Variants in EPB41L4A observed in about 807,000 individuals in gnomAD.
The protein encoded by EPB41L4A is band 4.1-like protein 4A.
EPB41L4A carries 100 observed loss-of-function variants against 108.6 expected under a neutral mutation model. The observed-to-expected ratio is 0.92, with a 90% CI of 0.78 to 1.09. The LOEUF is 1.09. EPB41L4A is among the 50% of genes least tolerant of loss of function. The probability of loss-of-function intolerance (pLI) is 0.00; values close to 1 mark genes in which losing one functional copy is unlikely to be tolerated. For missense variants in EPB41L4A, 1,030 were observed against 842.7 expected, an observed-to-expected ratio of 1.22 and a Z score of -2.75; for synonymous variants, 319 against 289.0, an observed-to-expected ratio of 1.10 and a Z score of -1.05.
At chr5:112,401,910 G>C (rs1580838961) in intron 1 of EPB41L4A, among the ~76,000 whole-genome samples, 1 of 152,212 alleles carries the variant, frequency 6.6e-6, no homozygotes, top group Non-Finnish European at 1.5e-5. Flanking sequence ...ATTCCACTTA[G>C]AGCAGCAAAA....
intron 13 of EPB41L4A, among the ~76,000 whole-genome samples, chr5:112,207,694 C>T (rs781376156): frequency 1.2e-4 from 18 of 151,880 alleles, no homozygotes; most frequent in South Asian, 2.1e-4. Flanking sequence ...ATTAATCATT[C>T]GAAAAAAGCA....
rs1761751414 is a variant in EPB41L4A, at chr5:112,401,581, A to T, written c.99+17360T>A. ...ATTCTCCACCCAAATGTCTTAATTT[A>T]AGAAGAAGTATAAAATCTACTGGTA... On this transcript the variant is annotated intron_variant, in intron 1 of 22. Transcript: ENST00000261486. 2.7e-5 allele frequency among the ~76,000 whole-genome samples: 4 copies of T among 149,910 alleles called. No homozygotes were observed. In the South Asian group the frequency reaches 8.7e-4, roughly 33 times the overall value.
At chr5:112,334,111 C>T (rs1756768865) in intron 1 of EPB41L4A, among the ~76,000 whole-genome samples, 1 of 151,994 alleles carries the variant, frequency 6.6e-6, no homozygotes, top group Admixed American at 6.6e-5. Flanking sequence ...AGGCACACAG[C>T]CAACCATTAT....
At chr5:112,262,282 T>C (rs999909745) in intron 7 of EPB41L4A, among the ~76,000 whole-genome samples, 1 of 152,170 alleles carries the variant, frequency 6.6e-6, no homozygotes, top group Admixed American at 6.5e-5. Context: ...ACTTAATTGT[T>C]TTCTACACAT....
At chr5:112,299,635 T>C (rs1754228269) in intron 2 of EPB41L4A, among the ~76,000 whole-genome samples, 1 of 152,164 alleles carries the variant, frequency 6.6e-6, no homozygotes, top group African/African-American at 2.4e-5. Flanking sequence ...TGAAACCCCA[T>C]CTCTATTAAG....
At chr5:112,154,901 A>C (rs1221583255) in intron 12 of EPB41L4A, among the ~76,000 whole-genome samples, 3 of 152,220 alleles carry the variant, frequency 2.0e-5, no homozygotes, top group African/African-American at 7.2e-5. Context: ...GAGATTTCAA[A>C]AGATAATCAG....
intron 12 of EPB41L4A, among the ~76,000 whole-genome samples, chr5:112,219,732 G>C (rs908596370): frequency 1.3e-5 from 2 of 152,138 alleles, no homozygotes; most frequent in Admixed American, 1.3e-4. Context: ...GTCTCATTCT[G>C]TTGCCTACGC....
chr5:112,297,217 T>A (rs1241249096), intron 2 of EPB41L4A, among the ~76,000 whole-genome samples: 1 of 152,228 alleles, frequency 6.6e-6, no homozygotes, highest in Admixed American at 6.5e-5. Flanking sequence ...ATCTCCACAC[T>A]GTTTTCCATA....
intron 1 of EPB41L4A, among the ~76,000 whole-genome samples, chr5:112,330,251 T>C (rs1756472368): frequency 6.6e-6 from 1 of 151,810 alleles, no homozygotes; most frequent in African/African-American, 2.4e-5. Context: ...TCCCTGGGAT[T>C]AGAGTTGTAT....
chr5:112,201,301 C>G (rs1762208133), intron 15 of EPB41L4A, among the ~76,000 whole-genome samples: 1 of 152,160 alleles, frequency 6.6e-6, no homozygotes, highest in Admixed American at 6.5e-5. Context: ...ATTTAAATAG[C>G]CTTCCCCTGG....
chr5:112,411,948 T>C (rs1762435829), intron 1 of EPB41L4A, among the ~76,000 whole-genome samples: 1 of 152,206 alleles, frequency 6.6e-6, no homozygotes, highest in South Asian at 2.1e-4. Context: ...CTCAGCAACC[T>C]GACCCTCACT....
At position 112,150,175 on chromosome 5, in the gene EPB41L4A, G is replaced by A. The variant is rs1393847061; in HGVS notation, n.995-4177C>T. ...GTAGTCTGAGTGCTCCCAAGTCAGTGATACTCCAAGTACTCAGCAAAAACA... is the reference window on the plus strand; with the variant it reads ...GTAGTCTGAGTGCTCCCAAGTCAGTAATACTCCAAGTACTCAGCAAAAACA... On this transcript the variant is annotated intron_variant and non_coding_transcript_variant, in intron 12 of 13. Transcript: ENST00000507810. 2.6e-5 allele frequency among the ~76,000 whole-genome samples: 4 copies of A among 152,188 alleles called. No homozygotes were observed. In the East Asian group the frequency reaches 7.7e-4, roughly 29 times the overall value.
intron 12 of EPB41L4A, among the ~76,000 whole-genome samples, chr5:112,222,398 C>T (rs1475764666): frequency 6.6e-6 from 1 of 152,178 alleles, no homozygotes; most frequent in South Asian, 2.1e-4. Flanking sequence ...TGTTTCCATG[C>T]CTCAGTTTCC....
intron 4 of EPB41L4A, among the ~76,000 whole-genome samples, chr5:112,269,188 A>G (rs1442979628): frequency 6.6e-6 from 1 of 152,120 alleles, no homozygotes; most frequent in African/African-American, 2.4e-5. Flanking sequence ...AAATTCATAA[A>G]GAAAAAAAAA....
chr5:112,290,975 T>A (rs1221397572), intron 2 of EPB41L4A, among the ~76,000 whole-genome samples: 2 of 152,174 alleles, frequency 1.3e-5, no homozygotes, highest in African/African-American at 4.8e-5. Context: ...TGTTTCTCCC[T>A]AAATGACCTT....
rs1554086151 is a variant in EPB41L4A, at chr5:112,259,312, G to C, written c.732-20C>G. On this transcript the variant is annotated intron_variant, in intron 8 of 22. Transcript: ENST00000261486. The stretch of plus-strand genomic sequence containing the variant: ...CGAGGCCTAAAAAACAAAGCAGATG[G>C]TGTTGCTGCTGTTTTTAAGTATTAA... The C allele has an allele frequency of 1.2e-6, 2 of 1,606,172 alleles. No homozygotes were observed. Among genetic ancestry groups the C allele is most frequent in the Non-Finnish European group, 1.7e-6 (2 of 1,172,928 alleles).
chr5:112,372,492 T>C (rs1002617982), intron 1 of EPB41L4A, among the ~76,000 whole-genome samples: 5 of 152,156 alleles, frequency 3.3e-5, no homozygotes, highest in Admixed American at 2.0e-4. Flanking sequence ...TCTGAGAAGA[T>C]AGCTGAACTG....
At position 112,272,227 on chromosome 5, in the gene EPB41L4A, C is replaced by A. The variant is rs529079045; in HGVS notation, c.335+3099G>T. On this transcript the variant is annotated intron_variant, in intron 4 of 22. Transcript: ENST00000261486. ...TTGGCTCACTGCAACCTCCGCCTCC[C>A]GGGTTCAAGCGATTCTCCTGCCTCA... 4.0e-5 allele frequency among the ~76,000 whole-genome samples: 6 copies of A among 150,786 alleles called. No individual in the cohort carries two copies. In the South Asian group the frequency reaches 1.1e-3, roughly 27 times the overall value.
Position 112,280,335 on chromosome 5 carries a change from A to C in EPB41L4A, c.205-12T>G. ...GGATCCAGCCAATACTGTGTGAGGA[A>C]GAAAAGGACAATTAAAGAAATTAGT... On this transcript the variant is annotated splice_polypyrimidine_tract_variant and intron_variant, in intron 2 of 22. Transcript: ENST00000261486. 1 of 1,612,934 alleles carries C rather than the reference A, an allele frequency of 6.2e-7. No individual in the cohort carries two copies. The highest frequency in any genetic ancestry group is 1.7e-5 in the Admixed American group (1 of 59,998).
Sources: allele counts gnomAD v4.1 joint callset (sites outside exome capture counted in the v4.1 genomes callset), GRCh38; gene constraint gnomAD v4.1.1; transcripts MANE v1.5; gene names NCBI Gene and HGNC (gene_info 2026-07-23, HGNC 2026-07-21).